The following ALPL variants were observed in gnomAD, a reference collection of about 807,000 sequenced individuals.
ALPL encodes the protein alkaline phosphatase, biomineralization associated.
A neutral mutation model predicts 51.3 loss-of-function variants in ALPL; 42 were observed. The observed-to-expected ratio is 0.82, with a 90% CI of 0.64 to 1.06. The LOEUF (loss-of-function observed/expected upper bound fraction) is 1.06. ALPL is among the 50% of genes least tolerant of loss of function. The pLI, the probability that ALPL is intolerant of heterozygous loss-of-function variation, is 0.00. For missense variants in ALPL, 589 were observed against 709.4 expected (o/e 0.83, Z 1.93); for synonymous variants, 279 against 296.4 (o/e 0.94, Z 0.60).
chr1:21,552,403 C>CG (rs1032056543), intron 1 of ALPL, among the ~76,000 whole-genome samples: 36 of 149,614 alleles, frequency 2.4e-4, no homozygotes, highest in Non-Finnish European at 3.3e-4. Flanking sequence ...TGCTTGAACC[C>CG]GGGGGGCGGA....
intron 2 of ALPL, among the ~76,000 whole-genome samples, chr1:21,557,757 T>C (rs1274371248): frequency 1.3e-5 from 2 of 152,162 alleles, no homozygotes; most frequent in African/African-American, 2.4e-5. Flanking sequence ...CAATTAGATA[T>C]AACTTACAGA....
At chr1:21,525,150 T>TC (rs1027386123) in intron 1 of ALPL, among the ~76,000 whole-genome samples, 3 of 152,182 alleles carry the variant, frequency 2.0e-5, no homozygotes, top group African/African-American at 7.2e-5. Flanking sequence ...CTGCCCCACT[T>TC]CCCCCTCTTG....
intron 1 of ALPL, among the ~76,000 whole-genome samples, chr1:21,552,187 A>T (rs1213114894): frequency 6.0e-5 from 7 of 116,398 alleles, no homozygotes; most frequent in African/African-American, 1.3e-4. Flanking sequence ...TTTTTAAATT[A>T]AAAAAAAAAA....
At chr1:21,524,530 G>A (rs1643917152) in intron 1 of ALPL, among the ~76,000 whole-genome samples, 1 of 152,118 alleles carries the variant, frequency 6.6e-6, no homozygotes, top group African/African-American at 2.4e-5. Flanking sequence ...AAAATGAATA[G>A]AAGCACAAAG....
intron 11 of ALPL, among the ~76,000 whole-genome samples, chr1:21,577,020 G>T (rs1232803842): frequency 6.6e-6 from 1 of 152,062 alleles, no homozygotes; most frequent in Non-Finnish European, 1.5e-5. Flanking sequence ...CAGTATACGA[G>T]ACTTTGCAGT....
chr1:21,546,499 C>T (rs952852967), intron 1 of ALPL, among the ~76,000 whole-genome samples: 1 of 152,176 alleles, frequency 6.6e-6, no homozygotes, highest in Non-Finnish European at 1.5e-5. Context: ...TAACCACTCT[C>T]CTGACTTCAC....
Position 21,563,255 on chromosome 1 carries a change from C to T in ALPL, c.443C>T (p.Thr148Ile), listed in dbSNP as rs1376937780. 1 of 1,613,352 alleles carries T rather than the reference C, an allele frequency of 6.2e-7. No individual in the cohort carries two copies. Among genetic ancestry groups the T allele is most frequent in the Non-Finnish European group, 8.5e-7 (1 of 1,179,708 alleles). Residue 148 changes from threonine (T) to isoleucine (I), a missense_variant, in exon 5 of 12, where the codon ACC (threonine) becomes ATC (isoleucine). Coordinates refer to ENST00000374840, the MANE Select transcript of ALPL (RefSeq NM_000478.6). ...RCNTTQGNEV[T>I]SILRWAKDAG... ...AACACCACCCAGGGGAACGAGGTCA[C>T]CTCCATCCTGCGCTGGGCCAAGGAC...
intron 7 of ALPL, among the ~76,000 whole-genome samples, chr1:21,568,983 A>G (rs993817604): frequency 2.6e-5 from 4 of 152,140 alleles, no homozygotes; most frequent in Non-Finnish European, 5.9e-5. Context: ...AGGGCTGAAG[A>G]CAGTGGGGAG....
At chr1:21,539,009 G>A (rs1644146872) in intron 1 of ALPL, among the ~76,000 whole-genome samples, 2 of 152,252 alleles carry the variant, frequency 1.3e-5, no homozygotes, top group South Asian at 4.1e-4. Context: ...AGAGTGTAGT[G>A]AGTGTGAATC....
intron 1 of ALPL, among the ~76,000 whole-genome samples, chr1:21,537,216 C>G (rs115241508): frequency 6.6e-6 from 1 of 152,142 alleles, no homozygotes; most frequent in Non-Finnish European, 1.5e-5. Context: ...CCTTCTAAGA[C>G]GCTGATACTG....
chr1:21,560,701 T>C lies in ALPL; in HGVS notation c.137T>C (p.Leu46Pro). 6.8e-6 allele frequency: 11 copies of C among 1,614,056 alleles called. No individual in the cohort carries two copies. The highest frequency in any genetic ancestry group is 9.3e-6 in the Non-Finnish European group (11 of 1,179,990). Residue 46 changes from leucine to proline, a missense_variant, in exon 3 of 12, where the codon CTC becomes CCC. Leu to Pro is a moderately conservative substitution (Grantham distance 98). Coordinates refer to ENST00000374840, the MANE Select transcript of ALPL (RefSeq NM_000478.6). ...AAATATGCCCTGGAGCTTCAGAAGCTCAACACCAACGTGGCTAAGAATGTC... is the reference window on the plus strand; with the variant it reads ...AAATATGCCCTGGAGCTTCAGAAGCCCAACACCAACGTGGCTAAGAATGTC... ...TLKYALELQK[L>P]NTNVAKNVIM...
intron 1 of ALPL, among the ~76,000 whole-genome samples, chr1:21,520,363 C>T (rs1297535918): frequency 6.6e-6 from 1 of 151,918 alleles, no homozygotes; most frequent in East Asian, 1.9e-4. Flanking sequence ...CTCCTGGGCT[C>T]AGGCAATCCT....
chr1:21,572,930 G>A (rs1401299618), intron 8 of ALPL, among the ~76,000 whole-genome samples: 7 of 152,192 alleles, frequency 4.6e-5, no homozygotes, highest in African/African-American at 1.2e-4. Context: ...CGGCCCCATC[G>A]AGTCCAGGCT....
intron 1 of ALPL, among the ~76,000 whole-genome samples, chr1:21,549,964 G>A (rs1276578166): frequency 1.3e-5 from 2 of 152,236 alleles, no homozygotes; most frequent in Non-Finnish European, 2.9e-5. Context: ...CTGACTGAAT[G>A]AGTGGAGAGA....
intron 2 of ALPL, among the ~76,000 whole-genome samples, chr1:21,558,434 G>A (rs1350411934): frequency 6.6e-6 from 1 of 152,166 alleles, no homozygotes; most frequent in African/African-American, 2.4e-5. Context: ...AAGGCAGGAG[G>A]GAGGCTGGAA....
intron 1 of ALPL, among the ~76,000 whole-genome samples, chr1:21,518,070 G>A (rs561546394): frequency 6.6e-6 from 1 of 152,218 alleles, no homozygotes; most frequent in East Asian, 1.9e-4. Flanking sequence ...GTCTTTGGAG[G>A]AACTAAGCTA....
intron 1 of ALPL, among the ~76,000 whole-genome samples, chr1:21,545,758 G>A (rs1295136511): frequency 6.6e-6 from 1 of 152,170 alleles, no homozygotes; most frequent in Admixed American, 6.5e-5. Flanking sequence ...TCAGGAGGCT[G>A]CCTAATTTGC....
chr1:21,546,896 C>T (rs1644260063), intron 1 of ALPL, among the ~76,000 whole-genome samples: 1 of 152,254 alleles, frequency 6.6e-6, no homozygotes, highest in Admixed American at 6.5e-5. Flanking sequence ...TAAGCACCAA[C>T]TCAGATTTCT....
At chr1:21,554,170 TA>T (rs34343677) in intron 2 of ALPL, 28 bp downstream of exon 2, 2 of 1,611,308 alleles carry the variant, frequency 1.2e-6, no homozygotes, top group Non-Finnish European at 1.7e-6. Flanking sequence ...GGTGGAGGCA[TA>T]AAAAGGTGGT....
Sources: allele counts gnomAD v4.1 joint callset (sites outside exome capture counted in the v4.1 genomes callset), GRCh38; gene constraint gnomAD v4.1.1; transcripts MANE v1.5; gene names NCBI Gene and HGNC (gene_info 2026-07-23, HGNC 2026-07-21).